SPATS2: variants seen among roughly 807,000 people sequenced by gnomAD.
SPATS2 encodes the protein spermatogenesis associated serine rich 2.
A neutral mutation model predicts 63.7 loss-of-function variants in SPATS2; 38 were observed. That is an observed-to-expected ratio of 0.60 (90% CI 0.46 to 0.78). SPATS2 has a LOEUF of 0.78. Ranked by LOEUF, SPATS2 falls within the 30% of genes least tolerant of loss-of-function variation. The probability of loss-of-function intolerance (pLI) is 0.00; values close to 1 mark genes in which losing one functional copy is unlikely to be tolerated. For synonymous variants in SPATS2, 207 were observed against 232.9 expected (o/e 0.89, Z 1.01); for missense variants, 588 against 666.2 (o/e 0.88, Z 1.29).
At chr12:49,457,702 G>A (rs1398108293) in intron 2 of SPATS2, among the ~76,000 whole-genome samples, 1 of 152,078 alleles carries the variant, frequency 6.6e-6, no homozygotes, top group African/African-American at 2.4e-5. Context: ...CAAAGTGCTG[G>A]GATTACAGGT....
intron 2 of SPATS2, among the ~76,000 whole-genome samples, chr12:49,392,801 C>A (rs1292273591): frequency 6.6e-6 from 1 of 151,670 alleles, no homozygotes; most frequent in Non-Finnish European, 1.5e-5. Context: ...CCTGTAATCC[C>A]AGCACTTTGG....
intron 2 of SPATS2, among the ~76,000 whole-genome samples, chr12:49,372,373 T>C (rs571209514): frequency 2.8e-4 from 43 of 152,296 alleles, no homozygotes; most frequent in Non-Finnish European, 5.1e-4. Context: ...AGCGGTGATT[T>C]TGTCATATGC....
intron 3 of SPATS2, among the ~76,000 whole-genome samples, chr12:49,461,427 G>A (rs555483466): frequency 1.5e-4 from 23 of 152,104 alleles, no homozygotes; most frequent in Non-Finnish European, 2.6e-4. Context: ...CTTTCCTTCC[G>A]GGAATGTTCT....
chr12:49,508,277 G>A (rs771254550), intron 9 of SPATS2, among the ~76,000 whole-genome samples: 10 of 151,980 alleles, frequency 6.6e-5, no homozygotes, highest in Non-Finnish European at 8.8e-5. Flanking sequence ...GCGCAATATC[G>A]GTTCACTGCT....
chr12:49,493,099 TAAA>T (rs559171414), intron 6 of SPATS2, among the ~76,000 whole-genome samples: 13 of 126,400 alleles, frequency 1.0e-4, no homozygotes, highest in Admixed American at 2.5e-4. Flanking sequence ...ACTCCGTCTT[TAAA>T]AAAAAAAAAA....
intron 6 of SPATS2, among the ~76,000 whole-genome samples, chr12:49,491,694 C>G (rs189128068): frequency 1.3e-5 from 2 of 152,216 alleles, no homozygotes; most frequent in African/African-American, 4.8e-5. Flanking sequence ...AACATTTGTG[C>G]CTTAGTTTGC....
At chr12:49,389,869 A>T in intron 2 of SPATS2, 1 of 834,200 alleles carries the variant, frequency 1.2e-6, no homozygotes, top group Non-Finnish European at 2.1e-6. Context: ...AGCAAAAAAG[A>T]TGATCCGGGA....
At chr12:49,451,213 G>A (rs1389803879) in intron 2 of SPATS2, among the ~76,000 whole-genome samples, 2 of 151,934 alleles carry the variant, frequency 1.3e-5, no homozygotes, top group African/African-American at 4.8e-5. Context: ...TTTTCTGTTT[G>A]TTTGTACCTC....
chr12:49,503,069 C>A (rs1946591223), intron 9 of SPATS2, among the ~76,000 whole-genome samples: 1 of 152,160 alleles, frequency 6.6e-6, no homozygotes, highest in African/African-American at 2.4e-5. Context: ...AAATAAAGAG[C>A]TGGCTGGGCA....
At chr12:49,435,066 T>A (rs1229815171) in intron 2 of SPATS2, among the ~76,000 whole-genome samples, 2 of 146,912 alleles carry the variant, frequency 1.4e-5, no homozygotes, top group Admixed American at 1.4e-4. Context: ...TTGCTCTGTC[T>A]GTCGCCCAGG....
At chr12:49,457,256 G>A (rs1346492442) in intron 2 of SPATS2, among the ~76,000 whole-genome samples, 2 of 151,980 alleles carry the variant, frequency 1.3e-5, no homozygotes, top group African/African-American at 4.8e-5. Context: ...TTTTTTTATA[G>A]TAGGTTTGAT....
intron 2 of SPATS2, among the ~76,000 whole-genome samples, chr12:49,421,729 CAAAG>C (rs919629914): frequency 6.6e-5 from 10 of 152,136 alleles, no homozygotes; most frequent in East Asian, 1.9e-4. Flanking sequence ...GTTTTGAAAA[CAAAG>C]AAAAGTTACT....
intron 2 of SPATS2, among the ~76,000 whole-genome samples, chr12:49,407,227 C>G (rs1944712645): frequency 6.6e-6 from 1 of 152,144 alleles, no homozygotes; most frequent in Non-Finnish European, 1.5e-5. Context: ...CATTAGTCTT[C>G]TGATTGAGTT....
intron 3 of SPATS2, among the ~76,000 whole-genome samples, chr12:49,469,002 C>G (rs917567805): frequency 2.0e-5 from 3 of 152,092 alleles, no homozygotes; most frequent in African/African-American, 7.2e-5. Flanking sequence ...CCTGTAATCT[C>G]AGCACCTCTG....
chr12:49,376,571 A>G, intron 2 of SPATS2, among the ~76,000 whole-genome samples: 1 of 151,314 alleles, frequency 6.6e-6, no homozygotes, highest in Admixed American at 6.6e-5. Flanking sequence ...TAATTTTTAA[A>G]TTTTTTATAG....
chr12:49,431,143 A>T lies in SPATS2; in HGVS notation c.-243-29627A>T, dbSNP rs561619978. On this transcript the variant is annotated intron_variant, in intron 2 of 13. Transcript: ENST00000552918. ...CATTCTTCAAGAGATCATCACTGCT[A>T]CTAGTTTTTTGTCTATCCTTCCAGG... Among the ~76,000 whole-genome samples, 3 of 152,284 alleles carry T rather than the reference A, an allele frequency of 2.0e-5. No homozygotes were observed. In the East Asian group the frequency reaches 5.8e-4, roughly 29 times the overall value.
chr12:49,510,373 G>A (rs1030552650), intron 9 of SPATS2, among the ~76,000 whole-genome samples: 12 of 151,292 alleles, frequency 7.9e-5, no homozygotes, highest in Middle Eastern at 3.2e-3. Context: ...ACCAGCCTGG[G>A]CAACATGGTG....
At chr12:49,419,943 TGAA>T (rs1944951145) in intron 2 of SPATS2, among the ~76,000 whole-genome samples, 2 of 152,262 alleles carry the variant, frequency 1.3e-5, no homozygotes, top group Admixed American at 1.3e-4. Flanking sequence ...AAAGCATTTC[TGAA>T]ATGATGAAGC....
At chr12:49,433,248 C>T (rs570712618) in intron 2 of SPATS2, among the ~76,000 whole-genome samples, 3 of 152,236 alleles carry the variant, frequency 2.0e-5, no homozygotes, top group Non-Finnish European at 4.4e-5. Flanking sequence ...CTGCAACCTC[C>T]GCCTCCCAGG....
Sources: allele counts gnomAD v4.1 joint callset (sites outside exome capture counted in the v4.1 genomes callset), GRCh38; gene constraint gnomAD v4.1.1; transcripts MANE v1.5; gene names NCBI Gene and HGNC (gene_info 2026-07-23, HGNC 2026-07-21).